Variants in APBB1IP observed in about 807,000 individuals in gnomAD.
APBB1IP encodes the protein amyloid beta precursor protein binding family B member 1 interacting protein, also known as amyloid beta A4 precursor protein-binding family B member 1-interacting protein.
Under a neutral mutation model 64.9 loss-of-function variants are expected in APBB1IP, and 27 were observed. The observed-to-expected ratio is 0.42, with a 90% CI of 0.31 to 0.57. The LOEUF is 0.57. Among genes scored for constraint, APBB1IP ranks in the 20% least tolerant of loss-of-function variants. The probability of loss-of-function intolerance (pLI) is 0.20; values close to 1 mark genes in which losing one functional copy is unlikely to be tolerated. For synonymous variants in APBB1IP, 392 were observed against 331.0 expected, an observed-to-expected ratio of 1.18 and a Z score of -2.00; for missense variants, 812 against 845.5, an observed-to-expected ratio of 0.96 and a Z score of 0.49.
Position 26,553,170 on chromosome 10 carries a change from C to T in APBB1IP, c.1156-6935C>T, listed in dbSNP as rs2040027. ...CTGAGTAGCTGGGATTACAGGTGCC[C>T]GCCACCACACCCAGCAAATTTTTGT... On this transcript the variant is annotated intron_variant, in intron 11 of 14. Transcript: ENST00000376236. Among the ~76,000 whole-genome samples, 23 of 151,896 alleles carry T rather than the reference C, an allele frequency of 1.5e-4. No individual in the cohort carries two copies. The East Asian group carries it at 3.1e-3, about 21-fold the overall frequency.
At chr10:26,492,249 G>T in intron 2 of APBB1IP, 78 bp from the exon 3 acceptor site, 1 of 1,328,206 alleles carries the variant, frequency 7.5e-7, no homozygotes, top group East Asian at 2.3e-5. Flanking sequence ...GCTCTTGGGG[G>T]AAAGAGAGGG....
At chr10:26,556,708 G>A (rs1313764877) in intron 11 of APBB1IP, among the ~76,000 whole-genome samples, 1 of 152,206 alleles carries the variant, frequency 6.6e-6, no homozygotes, top group African/African-American at 2.4e-5. Flanking sequence ...GTCTGCTCTG[G>A]AAACTTGGTT....
At chr10:26,554,450 G>C (rs778671638) in intron 11 of APBB1IP, among the ~76,000 whole-genome samples, 2 of 152,210 alleles carry the variant, frequency 1.3e-5, no homozygotes. Flanking sequence ...TTGCAGCTGC[G>C]TGTGCCAATC....
chr10:26,445,433 T>G (rs1366083776), intron 2 of APBB1IP, among the ~76,000 whole-genome samples: 1 of 152,170 alleles, frequency 6.6e-6, no homozygotes, highest in African/African-American at 2.4e-5. Context: ...TTGTTCTTAA[T>G]AGAGATAGGG....
At chr10:26,559,864 G>A (rs968452496) in intron 11 of APBB1IP, among the ~76,000 whole-genome samples, 8 of 151,664 alleles carry the variant, frequency 5.3e-5, no homozygotes, top group South Asian at 2.1e-4. Context: ...GGCTCATCTC[G>A]AACTCCTGAC....
At chr10:26,469,195 T>TACAGCTGTATAGCTGA (rs1835684977) in intron 2 of APBB1IP, among the ~76,000 whole-genome samples, 1 of 151,568 alleles carries the variant, frequency 6.6e-6, no homozygotes, top group African/African-American at 2.4e-5. Flanking sequence ...TGTACAAAAA[T>TACAGCTGTATAGCTGA]ATTTTTATAT....
rs1218771171 is a variant in APBB1IP at position 26,498,764 on chromosome 10, T to C, written c.161-2055T>C. Among the ~76,000 whole-genome samples, 6 of 152,292 alleles carry C rather than the reference T, an allele frequency of 3.9e-5. No homozygotes were observed. In the East Asian group the frequency reaches 1.2e-3, roughly 29 times the overall value. ...ATAGGAGCAATGATACCCAGCAAGA[T>C]ATAAACATAGTGATATTACACTACA... On this transcript the variant is annotated intron_variant, in intron 4 of 14. Transcript: ENST00000376236.
chr10:26,447,373 T>TGA (rs1835412663), intron 2 of APBB1IP, among the ~76,000 whole-genome samples: 1 of 40,380 alleles, frequency 2.5e-5, no homozygotes, highest in Admixed American at 2.9e-4. Context: ...AGACTCCGTC[T>TGA]CAAAAAAAAA....
chr10:26,564,119 C>T (rs1396367062), intron 14 of APBB1IP, among the ~76,000 whole-genome samples: 1 of 144,862 alleles, frequency 6.9e-6, no homozygotes, highest in Non-Finnish European at 1.6e-5. Context: ...AATCAGAAGG[C>T]ACTTTATTAG....
chr10:26,446,891 A>G (rs78697186), intron 2 of APBB1IP, among the ~76,000 whole-genome samples: 2 of 150,388 alleles, frequency 1.3e-5, no homozygotes, highest in African/African-American at 5.0e-5. Context: ...GATAGATAGA[A>G]ATAGATAGAT....
rs577052683 is a variant in APBB1IP at position 26,500,072 on chromosome 10, G to A, written c.161-747G>A. On this transcript the variant is annotated intron_variant, in intron 4 of 14. Coordinates refer to ENST00000376236, the MANE Select transcript of APBB1IP (RefSeq NM_019043.4). ...CACAAAATACAAAAATTAGCTGGAC[G>A]TAGTGGCATGCACCTGTAGTCCCAG... 2.2e-3 allele frequency among the ~76,000 whole-genome samples: 328 copies of A among 151,992 alleles called. 4 individuals are homozygous for A. Among genetic ancestry groups the A allele is most frequent in the African/African-American group, 6.6e-3 (274 of 41,452 alleles).
At position 26,492,487 on chromosome 10, in the gene APBB1IP, A is replaced by T. The variant is rs551477153; in HGVS notation, c.72+89A>T. 1.3e-5 allele frequency: 16 copies of T among 1,247,496 alleles called. No individual in the cohort carries two copies. In the East Asian group the frequency reaches 3.5e-4, roughly 27 times the overall value. 77.3% of individuals were successfully genotyped at this position (1,247,496 alleles called of 1,614,324 possible). A position where few individuals can be genotyped will look rare whatever the true frequency, so the allele number is the denominator to read the frequency against. On this transcript the variant is annotated intron_variant, in intron 3 of 14. Coordinates refer to ENST00000376236, the MANE Select transcript of APBB1IP (RefSeq NM_019043.4). ...ATATGACAAGGGAGCTGTCTTTTTT[A>T]AAACCCTGATATCGGGGGAACCAGC...
intron 3 of APBB1IP, among the ~76,000 whole-genome samples, chr10:26,495,804 G>A (rs1223637835): frequency 6.7e-6 from 1 of 149,878 alleles, no homozygotes. Context: ...TACTACGACA[G>A]ACTGCATCCT....
At position 26,513,675 on chromosome 10, in the gene APBB1IP, A is replaced by G. The variant is rs1195715814; in HGVS notation, c.813+15A>G. 6.9e-6 allele frequency: 11 copies of G among 1,600,788 alleles called. No homozygotes were observed. The highest frequency in any genetic ancestry group is 9.3e-6 in the Non-Finnish European group (11 of 1,177,014). ...AAAACCCCCAGGTAAGATGATCTGC[A>G]TATTGTTAAACCCTATAAAGTACAA... On this transcript the variant is annotated intron_variant, in intron 8 of 14. Transcript: ENST00000376236.
chr10:26,567,046 C>T lies in APBB1IP; in HGVS notation c.1559C>T (p.Pro520Leu), dbSNP rs774814980. 5.9e-6 allele frequency: 9 copies of T among 1,530,576 alleles called. No individual in the cohort carries two copies. Among genetic ancestry groups the T allele is most frequent in the Non-Finnish European group, 7.8e-6 (9 of 1,152,498 alleles). The allele number at this position is 1,530,576 out of a possible 1,614,324, so 94.8% of individuals were successfully genotyped here. A position where few individuals can be genotyped will look rare whatever the true frequency, so the allele number is the denominator to read the frequency against. The change falls in exon 15 of 15, where the codon CCT becomes CTT. Residue 520 changes from proline (P) to leucine (L), a missense_variant. By Grantham distance (98) the Pro-to-Leu change is moderately conservative (BLOSUM62 -3). Transcript: ENST00000376236. ...HAPKSSLPPP[P>L]PVRRSSDTSG... ...CCCAAGTCCAGCCTGCCCCCGCCCC[C>T]TCCGGTGCGGAGGTCCTCCGACACC...
chr10:26,459,185 C>T (rs1409204765), intron 2 of APBB1IP, among the ~76,000 whole-genome samples: 18 of 145,946 alleles, frequency 1.2e-4, no homozygotes, highest in Admixed American at 3.5e-4. Context: ...TGAGAACATG[C>T]GGTGTTTGGT....
At chr10:26,528,472 C>T (rs892588545) in intron 8 of APBB1IP, among the ~76,000 whole-genome samples, 1 of 152,164 alleles carries the variant, frequency 6.6e-6, no homozygotes, top group Admixed American at 6.6e-5. Context: ...TTTTTCTTGA[C>T]CATCGCAGTC....
chr10:26,515,806 C>T (rs745370117), intron 8 of APBB1IP, among the ~76,000 whole-genome samples: 1 of 151,972 alleles, frequency 6.6e-6, no homozygotes, highest in Non-Finnish European at 1.5e-5. Context: ...CCTCCATATC[C>T]CATTAGGCTG....
At chr10:26,537,658 T>TGTG (rs1836642535) in intron 10 of APBB1IP, among the ~76,000 whole-genome samples, 1 of 152,142 alleles carries the variant, frequency 6.6e-6, no homozygotes, top group Non-Finnish European at 1.5e-5. Flanking sequence ...TTTGGCTGGG[T>TGTG]GTGGTGGTTC....
Sources: allele counts gnomAD v4.1 joint callset (sites outside exome capture counted in the v4.1 genomes callset), GRCh38; gene constraint gnomAD v4.1.1; transcripts MANE v1.5; gene names NCBI Gene and HGNC (gene_info 2026-07-23, HGNC 2026-07-21).